Variants in KCNH8 observed in about 807,000 individuals in gnomAD.
KCNH8 encodes potassium voltage-gated channel subfamily H member 8.
A neutral mutation model predicts 103.6 loss-of-function variants in KCNH8; 70 were observed. The observed-to-expected ratio is 0.68, with a 90% CI of 0.56 to 0.82. The LOEUF is 0.82. Among genes scored for constraint, KCNH8 ranks in the 40% least tolerant of loss-of-function variants. KCNH8 has a pLI of 0.00. For missense variants in KCNH8, 1,217 were observed against 1,329.9 expected (o/e 0.92, Z 1.32); for synonymous variants, 498 against 489.4 (o/e 1.02, Z -0.23).
At chr3:19,419,204 T>TTTTG (rs2066910831) in intron 7 of KCNH8, among the ~76,000 whole-genome samples, 1 of 139,350 alleles carries the variant, frequency 7.2e-6, no homozygotes, top group African/African-American at 2.7e-5. Flanking sequence ...GGTTTTTTTT[T>TTTTG]TTTTTTTTTT....
intron 5 of KCNH8, among the ~76,000 whole-genome samples, chr3:19,376,906 AT>A (rs1232303228): frequency 1.6e-4 from 24 of 152,342 alleles, no homozygotes; most frequent in African/African-American, 5.8e-4. Context: ...ACTTAAAAAA[AT>A]ATGAAGACAT....
At chr3:19,367,932 T>A (rs2066035670) in intron 5 of KCNH8, among the ~76,000 whole-genome samples, 1 of 151,994 alleles carries the variant, frequency 6.6e-6, no homozygotes, top group Non-Finnish European at 1.5e-5. Context: ...GAGCATGGGA[T>A]TAGCCCAGCA....
chr3:19,323,666 T>C (rs988910894), intron 3 of KCNH8, among the ~76,000 whole-genome samples: 5 of 152,150 alleles, frequency 3.3e-5, no homozygotes, highest in Non-Finnish European at 5.9e-5. Context: ...TCTTGATTGC[T>C]GTTCAGATTT....
At chr3:19,328,017 GTC>G (rs574438599) in intron 3 of KCNH8, among the ~76,000 whole-genome samples, 3 of 152,082 alleles carry the variant, frequency 2.0e-5, no homozygotes, top group African/African-American at 4.8e-5. Flanking sequence ...GTTTCTACAT[GTC>G]TCTCTCTCTG....
intron 5 of KCNH8, among the ~76,000 whole-genome samples, chr3:19,371,846 C>T (rs2125116785): frequency 6.6e-6 from 1 of 151,060 alleles, no homozygotes; most frequent in East Asian, 1.9e-4. Flanking sequence ...CCAGTTTTCC[C>T]AGCACCATTT....
At chr3:19,493,139 G>A (rs1395864930) in intron 11 of KCNH8, among the ~76,000 whole-genome samples, 2 of 151,968 alleles carry the variant, frequency 1.3e-5, no homozygotes, top group Non-Finnish European at 2.9e-5. Flanking sequence ...AGTCTTTAGG[G>A]GTTTCTAGAT....
intron 1 of KCNH8, among the ~76,000 whole-genome samples, chr3:19,150,781 CAA>C (rs2063121124): frequency 6.6e-6 from 1 of 152,062 alleles, no homozygotes. Context: ...AGTAAGAAAT[CAA>C]AAAGTCTTTT....
Position 19,533,465 on chromosome 3 carries a change from A to G in KCNH8, c.2690A>G (p.Asn897Ser), listed in dbSNP as rs35430375. ...AGAAATGTGATCCAGCTTCTGGAAA[A>G]CGTTCTGTCACCTCAGCAGCCATCA... ...DMRNVIQLLE[N>S]VLSPQQPSRF... Residue 897 changes from asparagine (N) to serine (S), a missense_variant, in exon 16 of 16, where the codon AAC becomes AGC. This residue lies in a region of KCNH8 where 558 missense variants were observed against 495.8 expected (regional missense o/e 1.13). Transcript: ENST00000328405. 1.2e-6 allele frequency: 2 copies of G among 1,614,100 alleles called. No homozygotes were observed. The highest frequency in any genetic ancestry group is 3.3e-5 in the Admixed American group (2 of 60,008).
At chr3:19,386,670 A>G (rs2066361912) in intron 5 of KCNH8, among the ~76,000 whole-genome samples, 1 of 152,156 alleles carries the variant, frequency 6.6e-6, no homozygotes, top group South Asian at 2.1e-4. Context: ...ATTACATATA[A>G]AACTAGATAT....
At chr3:19,375,977 C>T (rs2066191353) in intron 5 of KCNH8, among the ~76,000 whole-genome samples, 2 of 152,262 alleles carry the variant, frequency 1.3e-5, no homozygotes, top group South Asian at 4.1e-4. Flanking sequence ...CAGCTGTGTG[C>T]TGGGAGAACC....
At chr3:19,500,499 C>A (rs1284772888) in intron 11 of KCNH8, among the ~76,000 whole-genome samples, 1 of 152,126 alleles carries the variant, frequency 6.6e-6, no homozygotes, top group African/African-American at 2.4e-5. Flanking sequence ...TTCAGCACCA[C>A]ACCTATTCCA....
At chr3:19,177,044 A>G (rs1329775345) in intron 1 of KCNH8, among the ~76,000 whole-genome samples, 3 of 152,144 alleles carry the variant, frequency 2.0e-5, no homozygotes, top group African/African-American at 7.2e-5. Flanking sequence ...TGTTTTCTCC[A>G]TAAGTCACAT....
intron 5 of KCNH8, among the ~76,000 whole-genome samples, chr3:19,368,330 G>A (rs1171662768): frequency 1.3e-5 from 2 of 152,016 alleles, no homozygotes; most frequent in Non-Finnish European, 2.9e-5. Context: ...AATTCCATAA[G>A]TGTAGGAAAG....
At chr3:19,396,935 C>T (rs1161230342) in intron 7 of KCNH8, among the ~76,000 whole-genome samples, 1 of 151,890 alleles carries the variant, frequency 6.6e-6, no homozygotes, top group African/African-American at 2.4e-5. Context: ...AGGCCCCAGA[C>T]CTATACACTC....
At chr3:19,234,521 G>A (rs2064037052) in intron 1 of KCNH8, among the ~76,000 whole-genome samples, 1 of 152,242 alleles carries the variant, frequency 6.6e-6, no homozygotes, top group South Asian at 2.1e-4. Context: ...GGTGGGGCTG[G>A]CCGGCCAATC....
At chr3:19,234,351 A>T (rs546286090) in intron 1 of KCNH8, among the ~76,000 whole-genome samples, 4 of 152,244 alleles carry the variant, frequency 2.6e-5, no homozygotes, top group Non-Finnish European at 5.9e-5. Context: ...GCTCGTGGGG[A>T]GGCTCCGGCC....
At chr3:19,444,473 C>T (rs758896513) in intron 8 of KCNH8, among the ~76,000 whole-genome samples, 23 of 151,860 alleles carry the variant, frequency 1.5e-4, no homozygotes, top group Non-Finnish European at 2.5e-4. Context: ...TGACACAAAA[C>T]GCCCTAGCCT....
chr3:19,446,442 A>G (rs7618944), intron 8 of KCNH8, among the ~76,000 whole-genome samples: 2,079 of 152,146 alleles, frequency 0.014, 49 homozygotes, highest in African/African-American at 0.046. Context: ...ATGATGAGCT[A>G]TTGTGTTCAC....
rs144476885 is a variant in KCNH8, at chr3:19,225,881, A to G, written c.77-27773A>G. ...TGAGTGATATTTTCCTCCATAAGCTATTTTGGCTGGTGTGCTAGGTCAGGT... is the reference window on the plus strand; with the variant it reads ...TGAGTGATATTTTCCTCCATAAGCTGTTTTGGCTGGTGTGCTAGGTCAGGT... On this transcript the variant is annotated intron_variant, in intron 1 of 15. Coordinates refer to ENST00000328405, the MANE Select transcript of KCNH8 (RefSeq NM_144633.3). Among the ~76,000 whole-genome samples the G allele has an allele frequency of 5.8e-4, 89 of 152,332 alleles. 1 individual carries two copies. The highest frequency in any genetic ancestry group is 2.0e-3 in the African/African-American group (85 of 41,590).
Sources: allele counts gnomAD v4.1 joint callset (sites outside exome capture counted in the v4.1 genomes callset), GRCh38; gene constraint gnomAD v4.1.1; regional missense constraint gnomAD v4.1.1; transcripts MANE v1.5; gene names NCBI Gene and HGNC (gene_info 2026-07-23, HGNC 2026-07-21).